Variants in SLC38A10 observed in about 807,000 individuals in gnomAD.
SLC38A10 encodes the protein Sodium-coupled neutral amino acid transporter 10.
A neutral mutation model predicts 81.0 loss-of-function variants in SLC38A10; 53 were observed. The observed-to-expected ratio is 0.65, with a 90% CI of 0.53 to 0.82. The LOEUF (loss-of-function observed/expected upper bound fraction) is 0.82, where lower values mean the gene tolerates loss of function less well. SLC38A10 is among the 40% of genes least tolerant of loss of function. The pLI is 0.00. For missense variants in SLC38A10, 1,471 were observed against 1,545.0 expected, an observed-to-expected ratio of 0.95 and a Z score of 0.80; for synonymous variants, 665 against 655.3, an observed-to-expected ratio of 1.01 and a Z score of -0.23.
rs540267493 is a variant in SLC38A10 at position 81,252,226 on chromosome 17, G to A, written c.1914C>T (p.Asp638=). The stretch of plus-strand genomic sequence containing the variant: ...CGCTGTCCTCTGCGGGCTGCCCTGT[G>A]TCCCCGGCGGCGTTGCCTGGCGGCG... ...GGPPPGNAAG[D]TGQPAEDSDH... Residue 638 remains aspartate, a synonymous_variant, in exon 13 of 16, where the codon GAC becomes GAT. Coordinates refer to ENST00000374759, the MANE Select transcript of SLC38A10 (RefSeq NM_001037984.3). The A allele has an allele frequency of 7.8e-5, 120 of 1,535,634 alleles. 1 individual carries two copies. The South Asian group carries it at 1.5e-3, about 19-fold the overall frequency.
intron 14 of SLC38A10, chr17:81,251,001 T>G (rs1201494778): frequency 7.3e-7 from 1 of 1,376,318 alleles, no homozygotes; most frequent in African/African-American, 1.5e-5. Flanking sequence ...GTGGGAGCAG[T>G]GCTCTGGGCC....
intron 11 of SLC38A10, among the ~76,000 whole-genome samples, chr17:81,259,093 C>T (rs147707921): frequency 2.0e-5 from 3 of 152,274 alleles, no homozygotes; most frequent in Non-Finnish European, 4.4e-5. Context: ...GAGCTCAGAA[C>T]AGAGATGACA....
intron 10 of SLC38A10, among the ~76,000 whole-genome samples, chr17:81,261,911 A>G (rs1172536985): frequency 1.3e-5 from 2 of 152,186 alleles, no homozygotes; most frequent in South Asian, 2.1e-4. Flanking sequence ...CGGGGCCTGC[A>G]GGCTCGACGG....
At chr17:81,294,055 C>T (rs1039910745) in intron 1 of SLC38A10, among the ~76,000 whole-genome samples, 4 of 152,184 alleles carry the variant, frequency 2.6e-5, no homozygotes, top group African/African-American at 7.2e-5. Context: ...CCTCTGTCGC[C>T]CAGGCTGGAG....
At chr17:81,294,583 G>A (rs1025610194) in intron 1 of SLC38A10, among the ~76,000 whole-genome samples, 1 of 152,216 alleles carries the variant, frequency 6.6e-6, no homozygotes, top group Non-Finnish European at 1.5e-5. Context: ...TCGAGTTTTT[G>A]AGTGTGGGGA....
In SLC38A10 at chr17:81,253,252, GCA is replaced by G; in HGVS notation, c.1289-14_1289-13del. The G allele has an allele frequency of 6.2e-7, 1 of 1,613,114 alleles. No individual in the cohort carries two copies. On this transcript the variant is annotated splice_polypyrimidine_tract_variant and intron_variant, in intron 11 of 15. Coordinates refer to ENST00000374759, the MANE Select transcript of SLC38A10 (RefSeq NM_001037984.3). The surrounding 1 kb of genome is among the most constrained non-coding windows in gnomAD (Gnocchi z 4.1). ...AACCGGATCCTGGGCTGGGAGCAGGGCACAGTTAGGGAACTGCACTGCCAAGC... is the reference window on the plus strand; with the variant it reads ...AACCGGATCCTGGGCTGGGAGCAGGGCAGTTAGGGAACTGCACTGCCAAGC...
At chr17:81,266,187 A>G (rs575350143) in intron 10 of SLC38A10, among the ~76,000 whole-genome samples, 1 of 152,374 alleles carries the variant, frequency 6.6e-6, no homozygotes, top group African/African-American at 2.4e-5. Flanking sequence ...CGCTGCAGCA[A>G]TTGGAAAGAG....
rs1300973416 is a variant in SLC38A10, at chr17:81,265,839, G to A, written c.1131+5079C>T. ...TGGTCCGCTGGCCCCACGACCTACT[G>A]CGGAGCCGTAGGAGCGCTGGGGACA... On this transcript the variant is annotated intron_variant, in intron 10 of 15. Transcript: ENST00000374759. The surrounding 1 kb of genome is among the most constrained non-coding windows in gnomAD (Gnocchi z 4.2). Among the ~76,000 whole-genome samples, 5 of 152,214 alleles carry A rather than the reference G, an allele frequency of 3.3e-5. No individual in the cohort carries two copies. Among genetic ancestry groups the A allele is most frequent in the African/African-American group, 1.2e-4 (5 of 41,448 alleles).
At chr17:81,267,579 A>G (rs2063080728) in intron 10 of SLC38A10, among the ~76,000 whole-genome samples, 1 of 152,316 alleles carries the variant, frequency 6.6e-6, no homozygotes, top group Admixed American at 6.5e-5. Flanking sequence ...GGGACCTGGC[A>G]TAGCAGGACA....
intron 6 of SLC38A10, 150 bp downstream of exon 6, chr17:81,280,459 G>T: frequency 8.5e-7 from 1 of 1,176,310 alleles, no homozygotes; most frequent in Non-Finnish European, 1.2e-6. Flanking sequence ...CCCTCAACCT[G>T]GGGCGGGAAA....
At chr17:81,266,638 AG>A (rs1304045019) in intron 10 of SLC38A10, among the ~76,000 whole-genome samples, 2 of 151,238 alleles carry the variant, frequency 1.3e-5, no homozygotes, top group East Asian at 3.9e-4. Context: ...AAAAAGAAAA[AG>A]AAAAAAAAAG....
chr17:81,255,498 G>T (rs1469506028), intron 11 of SLC38A10, among the ~76,000 whole-genome samples: 1 of 152,216 alleles, frequency 6.6e-6, no homozygotes, highest in East Asian at 1.9e-4. Flanking sequence ...TATGGGGAGT[G>T]CCCCCGCCAG....
Position 81,245,683 on chromosome 17 carries a change from G to A in SLC38A10, c.3233C>T (p.Pro1078Leu). 6.2e-7 allele frequency: 1 copy of A among 1,602,068 alleles called. No homozygotes were observed. Among genetic ancestry groups the A allele is most frequent in the Non-Finnish European group, 8.5e-7 (1 of 1,174,878 alleles). The change falls in exon 16 of 16, where the codon CCT becomes CTT. Residue 1078 changes from proline to leucine, a missense_variant. Pro to Leu is a moderately conservative substitution (Grantham distance 98, BLOSUM62 -3). Coordinates refer to ENST00000374759, the MANE Select transcript of SLC38A10 (RefSeq NM_001037984.3). ...ACGGAGGTCGTTCACCTGGACATCA[G>A]GCAGGGGGTTAAGGCCAATGATGAC... ...DGVIIGLNPL[P>L]DVQVNDLRGA...
intron 2 of SLC38A10, among the ~76,000 whole-genome samples, chr17:81,287,463 G>A (rs1400727026): frequency 6.6e-6 from 1 of 152,192 alleles, no homozygotes; most frequent in Admixed American, 6.5e-5. Flanking sequence ...CTCCCAGCGC[G>A]GGTCTCCCCA....
rs1052596466 is a variant in SLC38A10, at chr17:81,283,776, ATTGT to A, written c.264-278_264-275del. On this transcript the variant is annotated intron_variant, in intron 3 of 15. Transcript: ENST00000374759. This position sits in a 1 kb window ranked among gnomAD's most constrained non-coding sequence, Gnocchi z 4.7. ...GTAGCCGAGTAGCCACGCCCGGCTA[ATTGT>A]TTGTATTTTTAGTAGAGACGGGGTT... is the stretch of plus-strand genomic sequence containing the variant. 1.3e-5 allele frequency among the ~76,000 whole-genome samples: 2 copies of A among 151,442 alleles called. No homozygotes were observed. Among genetic ancestry groups the A allele is most frequent in the African/African-American group, 4.9e-5 (2 of 41,236 alleles).
At chr17:81,256,082 A>G (rs1291875265) in intron 11 of SLC38A10, among the ~76,000 whole-genome samples, 1 of 152,188 alleles carries the variant, frequency 6.6e-6, no homozygotes, top group Non-Finnish European at 1.5e-5. Flanking sequence ...GCGGCTCCTC[A>G]CTGCCAGGTG....
intron 10 of SLC38A10, chr17:81,264,716 T>C (rs939991893): frequency 1.3e-4 from 20 of 152,144 alleles, no homozygotes; most frequent in Non-Finnish European, 2.5e-4. Flanking sequence ...CGCGCCTCGA[T>C]TTGGGTCTCA....
At chr17:81,271,516 G>A (rs72860075) in intron 9 of SLC38A10, among the ~76,000 whole-genome samples, 10,141 of 152,256 alleles carry the variant, frequency 0.067, 382 homozygotes, top group East Asian at 0.13. Flanking sequence ...TGATGACAAC[G>A]AGCTCTGTCT....
intron 11 of SLC38A10, among the ~76,000 whole-genome samples, chr17:81,258,959 G>A (rs951289022): frequency 2.6e-5 from 4 of 152,204 alleles, no homozygotes; most frequent in African/African-American, 4.8e-5. Context: ...TTCGCCATCC[G>A]GGAACAGTCA....
Sources: allele counts gnomAD v4.1 joint callset (sites outside exome capture counted in the v4.1 genomes callset), GRCh38; gene constraint gnomAD v4.1.1; non-coding constraint Gnocchi (gnomAD v3.1); transcripts MANE v1.5; gene names NCBI Gene and HGNC (gene_info 2026-07-23, HGNC 2026-07-21).